The following GBE1 variants were observed in gnomAD, a reference collection of about 807,000 sequenced individuals.
The protein encoded by GBE1 is 1,4-alpha-glucan branching enzyme 1, also known as 1,4-alpha-glucan-branching enzyme.
GBE1 carries 70 observed loss-of-function variants against 88.8 expected under a neutral mutation model. The ratio of observed to expected loss-of-function variants is 0.79; its 90% CI spans 0.65 to 0.96. GBE1 has a LOEUF of 0.96. Among genes scored for constraint, GBE1 ranks in the 40% least tolerant of loss-of-function variants. The pLI is 0.00. For missense variants in GBE1, 872 were observed against 871.0 expected, an observed-to-expected ratio of 1.00 and a Z score of -0.01; for synonymous variants, 284 against 300.1, an observed-to-expected ratio of 0.95 and a Z score of 0.56.
At chr3:81,575,038 A>G (rs1029553875) in intron 12 of GBE1, among the ~76,000 whole-genome samples, 14 of 151,770 alleles carry the variant, frequency 9.2e-5, no homozygotes, top group African/African-American at 9.7e-5. Context: ...GGTGGCGGGC[A>G]CCTGTAGTCC....
At chr3:81,582,860 G>A (rs770261589) in intron 10 of GBE1, among the ~76,000 whole-genome samples, 1 of 151,958 alleles carries the variant, frequency 6.6e-6, no homozygotes, top group Non-Finnish European at 1.5e-5. Context: ...ACCTATACAA[G>A]GGAAAAAATG....
chr3:81,649,761 G>C (rs950362992), intron 4 of GBE1, 35 bp downstream of exon 4: 2 of 1,545,430 alleles, frequency 1.3e-6, no homozygotes, highest in Non-Finnish European at 1.8e-6. Flanking sequence ...AGAAATATTG[G>C]AACAATAATT....
At chr3:81,532,100 G>C (rs1341459219) in intron 14 of GBE1, among the ~76,000 whole-genome samples, 1 of 151,868 alleles carries the variant, frequency 6.6e-6, no homozygotes, top group African/African-American at 2.4e-5. Context: ...CAAGGGGTGG[G>C]GGAGGGTTGG....
At chr3:81,712,878 T>C (rs1291725987) in intron 1 of GBE1, among the ~76,000 whole-genome samples, 1 of 152,142 alleles carries the variant, frequency 6.6e-6, no homozygotes, top group East Asian at 1.9e-4. Flanking sequence ...CACAGAAACT[T>C]TCTTTCTTAA....
At chr3:81,730,054 T>C (rs2680264) in intron 1 of GBE1, among the ~76,000 whole-genome samples, 95,834 of 151,780 alleles carry the variant, frequency 0.63, 31,752 homozygotes, top group East Asian at 0.94. Flanking sequence ...GTGTTTCCAA[T>C]GCCATCAACA....
chr3:81,564,450 G>A (rs1703463227), intron 12 of GBE1, among the ~76,000 whole-genome samples: 1 of 152,072 alleles, frequency 6.6e-6, no homozygotes, highest in South Asian at 2.1e-4. Flanking sequence ...AGTATTTCCG[G>A]GGCATCCTAT....
chr3:81,717,242 TA>T (rs1469114686), intron 1 of GBE1, among the ~76,000 whole-genome samples: 1 of 152,196 alleles, frequency 6.6e-6, no homozygotes, highest in Non-Finnish European at 1.5e-5. Context: ...TTGGCTCAAA[TA>T]ACACTCTGCT....
intron 12 of GBE1, among the ~76,000 whole-genome samples, chr3:81,571,600 G>A (rs1315195329): frequency 1.7e-4 from 26 of 152,144 alleles, no homozygotes; most frequent in Admixed American, 1.6e-3. Flanking sequence ...TTTAAAAAGT[G>A]CTCTTCTATA....
chr3:81,501,090 A>AC (rs1339259739), intron 14 of GBE1, among the ~76,000 whole-genome samples: 1 of 152,104 alleles, frequency 6.6e-6, no homozygotes, highest in Non-Finnish European at 1.5e-5. Context: ...CTGCACATGT[A>AC]CCCCCTGAAC....
intron 7 of GBE1, among the ~76,000 whole-genome samples, chr3:81,620,994 G>A (rs555516103): frequency 3.3e-5 from 5 of 152,256 alleles, no homozygotes; most frequent in East Asian, 3.9e-4. Flanking sequence ...GCAGGGAGAC[G>A]CTCTCAGCAA....
intron 12 of GBE1, among the ~76,000 whole-genome samples, chr3:81,568,026 C>CA (rs1364318123): frequency 6.6e-6 from 1 of 152,174 alleles, no homozygotes; most frequent in Admixed American, 6.5e-5. Flanking sequence ...TGAATTCCCC[C>CA]AGCATTTTCC....
intron 7 of GBE1, among the ~76,000 whole-genome samples, chr3:81,638,826 G>A (rs1183151591): frequency 6.6e-6 from 1 of 152,118 alleles, no homozygotes; most frequent in Non-Finnish European, 1.5e-5. Flanking sequence ...GATTCTAAAT[G>A]GTGACAGGTT....
intron 1 of GBE1, among the ~76,000 whole-genome samples, chr3:81,742,336 T>C (rs1706360607): frequency 6.6e-6 from 1 of 152,118 alleles, no homozygotes; most frequent in Non-Finnish European, 1.5e-5. Context: ...ATACTGCTGT[T>C]CAGGAAAATG....
chr3:81,585,831 A>G (rs1703795779), intron 10 of GBE1, among the ~76,000 whole-genome samples: 1 of 152,222 alleles, frequency 6.6e-6, no homozygotes, highest in South Asian at 2.1e-4. Context: ...TGCATTGATA[A>G]TGCAAAATTC....
chr3:81,595,830 A>G (rs1559656782), intron 7 of GBE1, among the ~76,000 whole-genome samples: 1 of 152,030 alleles, frequency 6.6e-6, no homozygotes, highest in Non-Finnish European at 1.5e-5. Flanking sequence ...ATTTGGGAAT[A>G]ACTATGTTAG....
intron 10 of GBE1, among the ~76,000 whole-genome samples, chr3:81,584,989 C>T (rs922315288): frequency 6.6e-6 from 1 of 151,950 alleles, no homozygotes; most frequent in African/African-American, 2.4e-5. Flanking sequence ...TGATGAGGAA[C>T]CTTATACCAA....
chr3:81,726,701 C>T (rs972302278), intron 1 of GBE1, among the ~76,000 whole-genome samples: 3 of 151,764 alleles, frequency 2.0e-5, no homozygotes, highest in African/African-American at 7.3e-5. Flanking sequence ...CCTGCCTCAG[C>T]CTCCCAAGTG....
chr3:81,500,453 T>C (rs953899856), intron 14 of GBE1, among the ~76,000 whole-genome samples: 3 of 152,228 alleles, frequency 2.0e-5, no homozygotes, highest in African/African-American at 7.2e-5. Context: ...GAAGTTTAGC[T>C]TTTGTTCTTC....
chr3:81,647,566 AT>A (rs1704783495), intron 5 of GBE1, among the ~76,000 whole-genome samples: 1 of 152,170 alleles, frequency 6.6e-6, no homozygotes, highest in Non-Finnish European at 1.5e-5. Flanking sequence ...TTCTTGAAGT[AT>A]AATTTGGTAA....
Sources: allele counts gnomAD v4.1 joint callset (sites outside exome capture counted in the v4.1 genomes callset), GRCh38; gene constraint gnomAD v4.1.1; transcripts MANE v1.5; gene names NCBI Gene and HGNC (gene_info 2026-07-23, HGNC 2026-07-21).